The following TSPAN5 variants were observed in gnomAD, a reference collection of about 807,000 sequenced individuals.
TSPAN5 encodes the protein tetraspanin-5.
In TSPAN5, 10 loss-of-function variants were observed where a neutral mutation model predicts 37.1. The ratio of observed to expected loss-of-function variants is 0.27; its 90% CI spans 0.17 to 0.46. The LOEUF (loss-of-function observed/expected upper bound fraction) is 0.46. TSPAN5 is among the 20% of genes least tolerant of loss of function. The pLI is 1.00. For missense variants in TSPAN5, 195 were observed against 326.6 expected, an observed-to-expected ratio of 0.60 and a Z score of 3.11; for synonymous variants, 110 against 118.9, an observed-to-expected ratio of 0.93 and a Z score of 0.48.
At chr4:98,657,014 T>TA (rs1328530371) in intron 1 of TSPAN5, among the ~76,000 whole-genome samples, 3 of 152,070 alleles carry the variant, frequency 2.0e-5, no homozygotes, top group Non-Finnish European at 2.9e-5. Context: ...AACAGCAACT[T>TA]AGAGAACCCC....
chr4:98,649,362 G>A (rs1205030594), intron 1 of TSPAN5, among the ~76,000 whole-genome samples: 1 of 152,108 alleles, frequency 6.6e-6, no homozygotes, highest in East Asian at 1.9e-4. Context: ...ACATTTAAAT[G>A]GGAGAAATAA....
chr4:98,506,990 A>T (rs1208928141), intron 2 of TSPAN5, among the ~76,000 whole-genome samples: 1 of 152,182 alleles, frequency 6.6e-6, no homozygotes, highest in Non-Finnish European at 1.5e-5. Context: ...AGGTGTGGAC[A>T]CAGGGGGTGT....
rs116344069 is a variant in TSPAN5 at position 98,477,193 on chromosome 4, C to G, written c.577-733G>C. Among the ~76,000 whole-genome samples the G allele has an allele frequency of 4.6e-3, 697 of 152,368 alleles. 5 individuals are homozygous for G. Among genetic ancestry groups the G allele is most frequent in the African/African-American group, 0.015 (639 of 41,594 alleles). ...TGGCGACAGGAGGCGCACTGTGCGG[C>G]ACCCGCTGGCCAGTGCAAGGCCACC... On this transcript the variant is annotated intron_variant, in intron 5 of 7. Transcript: ENST00000305798.
chr4:98,602,220 C>T (rs1316045401), intron 1 of TSPAN5, among the ~76,000 whole-genome samples: 1 of 152,026 alleles, frequency 6.6e-6, no homozygotes, highest in Non-Finnish European at 1.5e-5. Context: ...TGAAGGGTTG[C>T]CACAAACCTT....
At chr4:98,599,520 C>T (rs1755836153) in intron 1 of TSPAN5, among the ~76,000 whole-genome samples, 1 of 152,166 alleles carries the variant, frequency 6.6e-6, no homozygotes, top group South Asian at 2.1e-4. Context: ...ATGCATCCAA[C>T]CATGTAACCA....
At chr4:98,531,780 C>T (rs901152429) in intron 1 of TSPAN5, among the ~76,000 whole-genome samples, 3 of 152,162 alleles carry the variant, frequency 2.0e-5, no homozygotes, top group Non-Finnish European at 4.4e-5. Flanking sequence ...GATGGTATCT[C>T]ATTGTGGTTT....
chr4:98,590,865 T>C (rs1428721382), intron 1 of TSPAN5, among the ~76,000 whole-genome samples: 1 of 152,158 alleles, frequency 6.6e-6, no homozygotes, highest in Non-Finnish European at 1.5e-5. Flanking sequence ...TCCTTTAGCC[T>C]AATTACCAGC....
rs949040186 is a variant in TSPAN5, at chr4:98,592,433, T to G, written c.81+65713A>C. Among the ~76,000 whole-genome samples the G allele has an allele frequency of 4.1e-4, 60 of 144,808 alleles. 1 individual carries two copies. Among genetic ancestry groups the G allele is most frequent in the South Asian group, 6.4e-4 (3 of 4,664 alleles). 95.0% of individuals were successfully genotyped at this position (144,808 alleles called of 152,430 possible). On this transcript the variant is annotated intron_variant, in intron 1 of 7. Coordinates refer to ENST00000305798, the MANE Select transcript of TSPAN5 (RefSeq NM_005723.4). ...CTAAGGGATCTCTGTTTTTTGTTTT[T>G]TTTTTTTTTTTTTTTATTATACTCT...
intron 1 of TSPAN5, among the ~76,000 whole-genome samples, chr4:98,528,777 C>G (rs1486509045): frequency 6.6e-6 from 1 of 152,164 alleles, no homozygotes. Context: ...ACCAGCTATG[C>G]TCACTACTAT....
intron 1 of TSPAN5, among the ~76,000 whole-genome samples, chr4:98,511,222 TAAC>T (rs1408216590): frequency 6.6e-6 from 1 of 152,204 alleles, no homozygotes. Context: ...TTAAAATAAA[TAAC>T]AATAATTTTG....
At chr4:98,613,883 G>A (rs1467645530) in intron 1 of TSPAN5, among the ~76,000 whole-genome samples, 8 of 152,050 alleles carry the variant, frequency 5.3e-5, no homozygotes, top group South Asian at 2.1e-4. Flanking sequence ...AATGACTCAC[G>A]CTGCATTTTG....
At chr4:98,614,100 A>C (rs1756263725) in intron 1 of TSPAN5, among the ~76,000 whole-genome samples, 1 of 152,262 alleles carries the variant, frequency 6.6e-6, no homozygotes, top group South Asian at 2.1e-4. Context: ...GTAGTTTAGC[A>C]GTGGCTTGGT....
chr4:98,638,271 C>T (rs1374935200), intron 1 of TSPAN5, among the ~76,000 whole-genome samples: 2 of 152,200 alleles, frequency 1.3e-5, no homozygotes, highest in Non-Finnish European at 2.9e-5. Context: ...ACAACAATGT[C>T]AGTAAAGATG....
intron 1 of TSPAN5, among the ~76,000 whole-genome samples, chr4:98,537,755 C>G (rs1754269203): frequency 6.6e-6 from 1 of 152,264 alleles, no homozygotes; most frequent in African/African-American, 2.4e-5. Context: ...GCACAGAGGT[C>G]TGCGACAAGC....
chr4:98,586,876 G>A (rs576704573), intron 1 of TSPAN5, among the ~76,000 whole-genome samples: 3 of 152,258 alleles, frequency 2.0e-5, no homozygotes, highest in Non-Finnish European at 4.4e-5. Context: ...CCAAGCCAGC[G>A]GCATGCACAA....
chr4:98,518,481 G>T (rs931536551), intron 1 of TSPAN5, among the ~76,000 whole-genome samples: 5 of 152,158 alleles, frequency 3.3e-5, no homozygotes, highest in Admixed American at 1.3e-4. Context: ...GATGCACATG[G>T]GTTGCCACAG....
At chr4:98,607,272 C>T (rs985221042) in intron 1 of TSPAN5, among the ~76,000 whole-genome samples, 4 of 152,138 alleles carry the variant, frequency 2.6e-5, no homozygotes, top group Non-Finnish European at 4.4e-5. Flanking sequence ...AAGAACCACA[C>T]ATCCGGAGAT....
At chr4:98,484,792 T>C (rs1364259059) in intron 3 of TSPAN5, 4 of 296,730 alleles carry the variant, frequency 1.3e-5, no homozygotes, top group African/African-American at 2.3e-5. Flanking sequence ...TGAAACCCCA[T>C]CTTTACTTAA....
chr4:98,621,752 G>C lies in TSPAN5; in HGVS notation c.81+36394C>G, dbSNP rs376751223. 9.5e-4 allele frequency among the ~76,000 whole-genome samples: 145 copies of C among 152,162 alleles called. 2 individuals carry two copies. In the South Asian group the frequency reaches 0.028, roughly 29 times the overall value. On this transcript the variant is annotated intron_variant, in intron 1 of 7. Coordinates refer to ENST00000305798, the MANE Select transcript of TSPAN5 (RefSeq NM_005723.4). ...CAGCCAGCACCACTATCTGATTGTA[G>C]AACATTTTCATATCCCAAAAGGAGA...
Sources: gnomAD v4.1 joint callset for allele counts (sites outside exome capture counted in the v4.1 genomes callset) on GRCh38, gnomAD v4.1.1 for gene constraint, MANE v1.5 for transcripts, NCBI Gene and HGNC (gene_info 2026-07-23, HGNC 2026-07-21) for gene names.